The following UBXN8 variants were observed in gnomAD, a reference collection of about 807,000 sequenced individuals.
UBXN8 encodes the protein UBX domain protein 8.
In UBXN8, 27 loss-of-function variants were observed where a neutral mutation model predicts 32.1. The ratio of observed to expected loss-of-function variants is 0.84; its 90% confidence interval spans 0.62 to 1.16. The LOEUF (loss-of-function observed/expected upper bound fraction) is 1.16, where lower values mean the gene tolerates loss of function less well. Among genes scored for constraint, UBXN8 ranks in the 50% most tolerant of loss-of-function variants. The pLI, the probability that UBXN8 is intolerant of heterozygous loss-of-function variation, is 0.00. For synonymous variants in UBXN8, 109 were observed against 111.8 expected (o/e 0.98, Z 0.16); for missense variants, 306 against 311.4 (o/e 0.98, Z 0.13).
intron 1 of UBXN8, 36 bp from the exon 2 acceptor site, chr8:30,751,360 T>G: frequency 6.5e-7 from 1 of 1,534,270 alleles, no homozygotes; most frequent in Admixed American, 2.1e-5. Context: ...AAAAAAAAAG[T>G]TTTGAATTTT....
chr8:30,735,418 G>A (rs183023670), intron 1 of UBXN8, among the ~76,000 whole-genome samples: 30 of 152,282 alleles, frequency 2.0e-4, no homozygotes, highest in Admixed American at 1.5e-3. Flanking sequence ...ATTAGCCAGA[G>A]TGGTGGTGTG....
At position 30,734,741 on chromosome 8, in the gene UBXN8, C is replaced by T. The variant is rs572238151; in HGVS notation, c.622+1433C>T. Among the ~76,000 whole-genome samples, 28 of 152,162 alleles carry T rather than the reference C, an allele frequency of 1.8e-4. 1 individual carries two copies. The South Asian group carries it at 4.6e-3, about 25-fold the overall frequency. On this transcript the variant is annotated intron_variant, in intron 1 of 1. Transcript: ENST00000522968. ...GGAGGATCACTGTATTCTAGGAGTT[C>T]GAGACCAGCGTACGCAACATAGTAA...
chr8:30,754,610 C>A, intron 3 of UBXN8, 55 bp from the exon 4 acceptor site: 2 of 1,506,828 alleles, frequency 1.3e-6, no homozygotes, highest in Non-Finnish European at 1.8e-6. Context: ...AGACAGTGTA[C>A]ATTTTTAGGA....
At chr8:30,757,325 A>C (rs531448583) in intron 5 of UBXN8, among the ~76,000 whole-genome samples, 8 of 151,548 alleles carry the variant, frequency 5.3e-5, no homozygotes, top group Admixed American at 2.0e-4. Context: ...GAAGGCAGGC[A>C]GATCACCTGA....
At chr8:30,735,993 G>T (rs759009183) in intron 1 of UBXN8, among the ~76,000 whole-genome samples, 7 of 152,210 alleles carry the variant, frequency 4.6e-5, no homozygotes, top group Admixed American at 3.3e-4. Flanking sequence ...GGAAATAGTG[G>T]TACAGAAATA....
chr8:30,738,428 G>A (rs1805113451), intron 1 of UBXN8, among the ~76,000 whole-genome samples: 1 of 151,564 alleles, frequency 6.6e-6, no homozygotes, highest in Non-Finnish European at 1.5e-5. Context: ...GGGAGGCCGA[G>A]GCGGGCGGAT....
At chr8:30,751,954 A>G (rs112671223) in intron 2 of UBXN8, among the ~76,000 whole-genome samples, 3,973 of 146,930 alleles carry the variant, frequency 0.027, 153 homozygotes, top group African/African-American at 0.095. Flanking sequence ...GTGCAGTGGC[A>G]TGATCTTGGC....
At chr8:30,731,078 T>G (rs1035518417), upstream of UBXN8, among the ~76,000 whole-genome samples, 2 of 152,182 alleles carry the variant, frequency 1.3e-5, no homozygotes, top group Non-Finnish European at 1.5e-5. Context: ...GCGTAATCAG[T>G]GTGCTTATTG....
chr8:30,758,885 GT>G (rs1260155661), intron 5 of UBXN8, among the ~76,000 whole-genome samples: 4 of 97,000 alleles, frequency 4.1e-5, no homozygotes, highest in Non-Finnish European at 8.3e-5. Context: ...TTTTTTGTTT[GT>G]TTTTTTTGTT....
upstream of UBXN8, chr8:30,744,106 G>A: frequency 7.4e-7 from 1 of 1,346,500 alleles, no homozygotes; most frequent in Non-Finnish European, 1.0e-6. Flanking sequence ...CAGCCGGCCC[G>A]CGGCAAGAAG....
rs28453336 is a variant in UBXN8 at position 30,751,273 on chromosome 8, G to A, written c.89-123G>A. ...TCATGCCTATAATCCTAGCACTTTG[G>A]GAGGCCAAGGCAGGAGGATCACGTG... On this transcript the variant is annotated intron_variant, in intron 1 of 7. Coordinates refer to ENST00000265616, the MANE Select transcript of UBXN8 (RefSeq NM_005671.4). 4.7e-3 allele frequency: 3,525 copies of A among 751,848 alleles called. 93 individuals carry two copies. The African/African-American group carries it at 0.054, about 11-fold the overall frequency. 46.6% of individuals were successfully genotyped at this position (751,848 alleles called of 1,614,324 possible).
chr8:30,744,081 T>C, upstream of UBXN8: 1 of 915,980 alleles, frequency 1.1e-6, no homozygotes, highest in South Asian at 1.5e-5. Context: ...ATTTACCACG[T>C]TATTGACCCT....
chr8:30,729,411 G>A (rs1263229602), upstream of UBXN8, among the ~76,000 whole-genome samples: 4 of 152,226 alleles, frequency 2.6e-5, no homozygotes, highest in Admixed American at 2.6e-4. Context: ...CACCCACGGC[G>A]TGCCTGTACT....
At chr8:30,762,047 T>C (rs1420092694) in intron 6 of UBXN8, among the ~76,000 whole-genome samples, 4 of 143,224 alleles carry the variant, frequency 2.8e-5, no homozygotes, top group Admixed American at 7.9e-5. Context: ...GCAACAGTTA[T>C]ACTCCTTGGA....
At chr8:30,747,894 CTTTTTTTTTTTTT>C (rs67334347) in intron 1 of UBXN8, among the ~76,000 whole-genome samples, 954 of 35,722 alleles carry the variant, frequency 0.027, 169 homozygotes, top group Middle Eastern at 0.12. Flanking sequence ...TATATTTTTT[CTTTTTTTTTTTTT>C]TTTTTTTTTT....
Position 30,751,425 on chromosome 8 carries a change from C to T in UBXN8, c.118C>T (p.Arg40Trp), listed in dbSNP as rs199647078. ...GIKDFLLLCGRILLLLALLTL... is the reference protein window; with the variant it reads ...GIKDFLLLCGWILLLLALLTL... ...CAAGGATTTTCTTTTGCTTTGTGGC[C>T]GGATTTTGCTACTGCTTGCTCTTCT... is the stretch of plus-strand genomic sequence containing the variant. The change falls in exon 2 of 8, where the codon CGG becomes TGG. Residue 40 changes from arginine to tryptophan, a missense_variant. Transcript: ENST00000265616. 1,046 of 1,598,292 alleles carry T rather than the reference C, an allele frequency of 6.5e-4. No individual in the cohort carries two copies. Among genetic ancestry groups the T allele is most frequent in the Admixed American group, 1.1e-3 (60 of 56,798 alleles).
upstream of UBXN8, chr8:30,732,218 T>A (rs187886167): frequency 2.6e-6 from 1 of 379,030 alleles, no homozygotes; most frequent in African/African-American, 2.1e-5. Flanking sequence ...ACCAGAGACC[T>A]AGGCTGCGTG....
intron 3 of UBXN8, 26 bp downstream of exon 3, chr8:30,753,131 A>T: frequency 6.8e-7 from 1 of 1,470,544 alleles, no homozygotes; most frequent in Non-Finnish European, 9.0e-7. Context: ...TAGAGACTTT[A>T]TGCGTAGAGA....
chr8:30,763,862 A>T (rs1299987998), intron 7 of UBXN8, among the ~76,000 whole-genome samples: 1 of 152,040 alleles, frequency 6.6e-6, no homozygotes, highest in African/African-American at 2.4e-5. Context: ...ATGGTGGCGG[A>T]TGCCTGTAAT....
Sources: gnomAD v4.1 joint callset for allele counts (sites outside exome capture counted in the v4.1 genomes callset) on GRCh38, gnomAD v4.1.1 for gene constraint, MANE v1.5 for transcripts, NCBI Gene and HGNC (gene_info 2026-07-23, HGNC 2026-07-21) for gene names.